Variants in ITGB8 observed in about 807,000 individuals in gnomAD.
ITGB8 encodes integrin beta-8.
A neutral mutation model predicts 89.5 loss-of-function variants in ITGB8; 30 were observed. The observed-to-expected ratio is 0.34, with a 90% CI of 0.25 to 0.45. The LOEUF (loss-of-function observed/expected upper bound fraction) is 0.45. Among genes scored for constraint, ITGB8 ranks in the 20% least tolerant of loss-of-function variants. ITGB8 has a pLI of 1.00. For missense variants in ITGB8, 836 were observed against 933.3 expected (o/e 0.90, Z 1.36); for synonymous variants, 335 against 320.4 (o/e 1.05, Z -0.49).
At chr7:20,377,032 A>C (rs1438222893) in intron 3 of ITGB8, among the ~76,000 whole-genome samples, 1 of 152,162 alleles carries the variant, frequency 6.6e-6, no homozygotes, top group Non-Finnish European at 1.5e-5. Flanking sequence ...GGCTATGAGC[A>C]GCTGGTTTCT....
chr7:20,404,847 A>C lies in ITGB8; in HGVS notation c.1907A>C (p.Glu636Ala). The change falls in exon 11 of 14, where the codon GAA becomes GCA. Residue 636 changes from glutamate (E) to alanine (A), a missense_variant. Glu to Ala is a moderately radical substitution (Grantham distance 107, BLOSUM62 -1). This residue lies in a region of ITGB8 where 422 missense variants were observed against 416.9 expected (regional missense o/e 1.01). Coordinates refer to ENST00000222573, the MANE Select transcript of ITGB8 (RefSeq NM_002214.3). ...CCCACCTGTTATACAGCCTGCAAGG[A>C]AAACTGGTATGATTTCTTTGACTCC... ...HCPTCYTACK[E>A]NWNCMQCLHP... is the part of the protein sequence containing the mutation. The C allele has an allele frequency of 6.2e-7, 1 of 1,614,002 alleles. No individual in the cohort carries two copies. The highest frequency in any genetic ancestry group is 1.3e-5 in the African/African-American group (1 of 75,048).
intron 2 of ITGB8, 70 bp downstream of exon 2, chr7:20,363,792 T>C: frequency 4.7e-6 from 4 of 856,652 alleles, no homozygotes; most frequent in Non-Finnish European, 6.9e-6. Flanking sequence ...TTTCCTAATA[T>C]TCTGTGCCTT....
At chr7:20,374,487 T>C (rs201974473) in intron 3 of ITGB8, among the ~76,000 whole-genome samples, 1 of 141,422 alleles carries the variant, frequency 7.1e-6, no homozygotes, top group Non-Finnish European at 1.6e-5. Flanking sequence ...TCTTAGCTGC[T>C]AAAAAAAAAA....
intron 11 of ITGB8, among the ~76,000 whole-genome samples, chr7:20,405,275 T>C (rs1190607733): frequency 6.6e-6 from 1 of 151,686 alleles, no homozygotes; most frequent in Admixed American, 6.6e-5. Flanking sequence ...ATGGCAATCA[T>C]AGAATAAATG....
rs1211435214 is a variant in ITGB8 at position 20,344,500 on chromosome 7, CTT to C, written c.127+12570_127+12571del. 2.0e-5 allele frequency among the ~76,000 whole-genome samples: 3 copies of C among 152,260 alleles called. No homozygotes were observed. In the East Asian group the frequency reaches 5.8e-4, roughly 29 times the overall value. On this transcript the variant is annotated intron_variant, in intron 1 of 13. Transcript: ENST00000222573. ...CATTGTTCTTAGCTATTAGAAGAAA[CTT>C]TTAAATGTGTGCGTAAAGACTGGAA...
Position 20,344,228 on chromosome 7 carries a change from G to A in ITGB8, c.127+12295G>A, listed in dbSNP as rs192324046. Among the ~76,000 whole-genome samples the A allele has an allele frequency of 2.6e-5, 4 of 152,068 alleles. No homozygotes were observed. The East Asian group carries it at 5.8e-4, about 22-fold the overall frequency. On this transcript the variant is annotated intron_variant, in intron 1 of 13. Transcript: ENST00000222573. ...GATTCAGACAGGAAATATGTCAAATGTGTTCTGATGCAAGACAGAACATTG... is the reference window on the plus strand; with the variant it reads ...GATTCAGACAGGAAATATGTCAAATATGTTCTGATGCAAGACAGAACATTG...
chr7:20,330,477 G>A (rs1784337304), upstream of ITGB8, among the ~76,000 whole-genome samples: 1 of 152,192 alleles, frequency 6.6e-6, no homozygotes, highest in Non-Finnish European at 1.5e-5. Flanking sequence ...CGCGAGCGTT[G>A]GGGTGCAAGG....
chr7:20,332,012 C>T, intron 1 of ITGB8, 79 bp downstream of exon 1: 1 of 1,547,458 alleles, frequency 6.5e-7, no homozygotes, highest in Non-Finnish European at 8.7e-7. Context: ...CCGGCCAGAG[C>T]ATCCCGGCCA....
At chr7:20,409,168 C>T (rs1009112884) in intron 12 of ITGB8, among the ~76,000 whole-genome samples, 21 of 152,188 alleles carry the variant, frequency 1.4e-4, no homozygotes, top group African/African-American at 4.3e-4. Context: ...GAAGACCAAG[C>T]ATAACAAGAG....
Position 20,415,566 on chromosome 7 carries a change from T to C in ITGB8, c.*5569T>C, listed in dbSNP as rs549276294. On this transcript the variant is annotated 3_prime_UTR_variant, in exon 14 of 14. Coordinates refer to ENST00000222573, the MANE Select transcript of ITGB8 (RefSeq NM_002214.3). ...TATGAACCTGTTCATATAACTCTGA[T>C]TGACTACTAACTTCTGTTTTATGTA... 3.9e-5 allele frequency: 6 copies of C among 152,604 alleles called. No individual in the cohort carries two copies. The highest frequency in any genetic ancestry group is 3.9e-4 in the Admixed American group (6 of 15,280). The allele number at this position is 152,604 out of a possible 1,614,324, so 9.5% of individuals were successfully genotyped here. A position where few individuals can be genotyped will look rare whatever the true frequency, so the allele number is the denominator to read the frequency against.
chr7:20,390,128 T>C (rs553673580), intron 6 of ITGB8, among the ~76,000 whole-genome samples: 2 of 152,264 alleles, frequency 1.3e-5, no homozygotes, highest in East Asian at 1.9e-4. Flanking sequence ...GTTTACCAAG[T>C]TGGTTTAACA....
At chr7:20,399,068 C>A in intron 9 of ITGB8, 74 bp downstream of exon 9, 2 of 1,490,466 alleles carry the variant, frequency 1.3e-6, no homozygotes, top group Non-Finnish European at 1.8e-6. Context: ...AAAAAGCAAA[C>A]CATTCTGAAA....
At chr7:20,362,500 T>A (rs1785543315) in intron 1 of ITGB8, among the ~76,000 whole-genome samples, 1 of 152,170 alleles carries the variant, frequency 6.6e-6, no homozygotes, top group South Asian at 2.1e-4. Flanking sequence ...TATGCCCTCT[T>A]CCTCCACCCC....
intron 6 of ITGB8, among the ~76,000 whole-genome samples, chr7:20,384,165 C>G (rs79683433): frequency 3.3e-5 from 5 of 152,168 alleles, no homozygotes; most frequent in Admixed American, 3.3e-4. Context: ...TGACCTCTAT[C>G]CTCCCCTATT....
chr7:20,358,314 C>T (rs1463023597), intron 1 of ITGB8, among the ~76,000 whole-genome samples: 4 of 152,086 alleles, frequency 2.6e-5, no homozygotes, highest in Non-Finnish European at 5.9e-5. Flanking sequence ...TAAAACTGCC[C>T]CAGGGGCTCC....
In ITGB8 at chr7:20,406,251, A is replaced by G. The variant is rs1447313304; in HGVS notation, c.2023+80A>G. 11 of 923,530 alleles carry G rather than the reference A, an allele frequency of 1.2e-5. No individual in the cohort carries two copies. In the East Asian group the frequency reaches 2.5e-4, roughly 21 times the overall value. 57.2% of individuals were successfully genotyped at this position (923,530 alleles called of 1,614,324 possible). A position where few individuals can be genotyped will look rare whatever the true frequency, so the allele number is the denominator to read the frequency against. On this transcript the variant is annotated intron_variant, in intron 12 of 13. Transcript: ENST00000222573. ...TCCCCCAAAAGACCCATAATTAACC[A>G]TGCTAAAGAAAGGACTGGGCCGGGT...
chr7:20,391,518 G>A lies in ITGB8; in HGVS notation c.1056+20G>A, dbSNP rs1282020312. 2 of 1,349,546 alleles carry A rather than the reference G, an allele frequency of 1.5e-6. No individual in the cohort carries two copies. Among genetic ancestry groups the A allele is most frequent in the Non-Finnish European group, 2.0e-6 (2 of 975,628 alleles). The allele number at this position is 1,349,546 out of a possible 1,614,324, so 83.6% of individuals were successfully genotyped here. Reference sequence around the variant, plus strand: ...TATAAGGTATGTTAACTCTGAAAATGTTAAAATTAAATTTTTTTCATTGGT... The same window carrying A: ...TATAAGGTATGTTAACTCTGAAAATATTAAAATTAAATTTTTTTCATTGGT... On this transcript the variant is annotated intron_variant, in intron 7 of 13. Coordinates refer to ENST00000222573, the MANE Select transcript of ITGB8 (RefSeq NM_002214.3).
chr7:20,343,164 A>T (rs1454259102), intron 1 of ITGB8, among the ~76,000 whole-genome samples: 2 of 152,134 alleles, frequency 1.3e-5, no homozygotes, highest in Admixed American at 1.3e-4. Context: ...TAGAAATGGG[A>T]TGTTGGATAT....
chr7:20,358,837 A>G (rs866760841), intron 1 of ITGB8, among the ~76,000 whole-genome samples: 30 of 152,228 alleles, frequency 2.0e-4, no homozygotes, highest in African/African-American at 7.0e-4. Flanking sequence ...AGTACCTGAC[A>G]GTTTTTCAAC....
Sources: allele counts gnomAD v4.1 joint callset (sites outside exome capture counted in the v4.1 genomes callset), GRCh38; gene constraint gnomAD v4.1.1; regional missense constraint gnomAD v4.1.1; transcripts MANE v1.5; gene names NCBI Gene and HGNC (gene_info 2026-07-23, HGNC 2026-07-21).